Variants in CLEC2A observed in about 807,000 individuals in gnomAD.
CLEC2A encodes C-type lectin domain family 2 member A.
In CLEC2A, 19 loss-of-function variants were observed where a neutral mutation model predicts 18.6. That is an observed-to-expected ratio of 1.02 (90% CI 0.71 to 1.50). The LOEUF (loss-of-function observed/expected upper bound fraction) is 1.50, where lower values mean the gene tolerates loss of function less well. Ranked by LOEUF, CLEC2A falls within the 40% of genes most tolerant of loss-of-function variation. The probability of loss-of-function intolerance (pLI) is 0.00; values close to 1 mark genes in which losing one functional copy is unlikely to be tolerated. For synonymous variants in CLEC2A, 74 were observed against 64.0 expected, an observed-to-expected ratio of 1.16 and a Z score of -0.75; for missense variants, 190 against 207.9, an observed-to-expected ratio of 0.91 and a Z score of 0.53.
downstream of CLEC2A, among the ~76,000 whole-genome samples, chr12:9,912,617 A>G (rs540273663): frequency 6.6e-6 from 1 of 151,980 alleles, no homozygotes; most frequent in Admixed American, 6.6e-5. Flanking sequence ...ATCTATGCTC[A>G]CAGATGTTTT....
chr12:9,888,272 C>T, the CLEC2A span, among the ~76,000 whole-genome samples: 1 of 151,550 alleles, frequency 6.6e-6, no homozygotes, highest in African/African-American at 2.4e-5. Context: ...GGGCGGATCA[C>T]GAGGTCAGGA....
downstream of CLEC2A, among the ~76,000 whole-genome samples, chr12:9,912,209 T>A (rs544613210): frequency 1.3e-5 from 2 of 152,262 alleles, no homozygotes; most frequent in East Asian, 3.9e-4. Flanking sequence ...GGGAAAAGCT[T>A]AATTTTCATC....
chr12:9,890,423 T>G, the CLEC2A span, among the ~76,000 whole-genome samples: 5 of 152,332 alleles, frequency 3.3e-5, no homozygotes, highest in South Asian at 4.1e-4. Context: ...AAGCTCTCTC[T>G]TACGGTGTTG....
intron 4 of CLEC2A, among the ~76,000 whole-genome samples, chr12:9,915,661 C>T (rs1863058855): frequency 6.6e-6 from 1 of 151,968 alleles, no homozygotes; most frequent in South Asian, 2.1e-4. Context: ...AGTGAGAACA[C>T]ATGGACACAG....
chr12:9,913,162 C>T (rs73255419), downstream of CLEC2A: 1,222 of 221,844 alleles, frequency 5.5e-3, 19 homozygotes, highest in African/African-American at 0.027. Flanking sequence ...TTACTCTAGT[C>T]TATATAGTAT....
chr12:9,916,756 T>A lies in CLEC2A; in HGVS notation c.354A>T (p.Leu118=). ...YAGTDMHWIG[L]SRKQGDSWKW... ...TCCAAGAATCTCCTTGTTTCCTGCTTAGTCCAATCCAGTGCATATCAGTTC... is the reference window on the plus strand; with the variant it reads ...TCCAAGAATCTCCTTGTTTCCTGCTAAGTCCAATCCAGTGCATATCAGTTC... The change falls in exon 4 of 5, where the codon CTA becomes CTT. Residue 118 remains leucine, a synonymous_variant. Transcript: ENST00000455827. 6.4e-7 allele frequency: 1 copy of A among 1,551,558 alleles called. No individual in the cohort carries two copies. Among genetic ancestry groups the A allele is most frequent in the Non-Finnish European group, 8.7e-7 (1 of 1,146,742 alleles).
Position 9,926,257 on chromosome 12 carries a change from C to T in CLEC2A, c.139+3G>A. 2 of 1,511,842 alleles carry T rather than the reference C, an allele frequency of 1.3e-6. No individual in the cohort carries two copies. The highest frequency in any genetic ancestry group is 1.7e-4 in the Middle Eastern group (1 of 5,892). The allele number at this position is 1,511,842 out of a possible 1,614,324, so 93.7% of individuals were successfully genotyped here. A position where few individuals can be genotyped will look rare whatever the true frequency, so the allele number is the denominator to read the frequency against. On this transcript the variant is annotated splice_donor_region_variant and intron_variant, in intron 2 of 4. Coordinates refer to ENST00000455827, the MANE Select transcript of CLEC2A (RefSeq NM_001130711.2). ...TAGAAAGTGTATGAATTAAACCACTCACCTATCATAATAATGCAAACTGTA... is the reference window on the plus strand; with the variant it reads ...TAGAAAGTGTATGAATTAAACCACTTACCTATCATAATAATGCAAACTGTA...
the CLEC2A span, among the ~76,000 whole-genome samples, chr12:9,886,763 C>CAAAAAA: frequency 1.9e-5 from 2 of 103,504 alleles, no homozygotes; most frequent in Non-Finnish European, 3.8e-5. Context: ...CTATATCATG[C>CAAAAAA]AAAAAAAAAA....
At chr12:9,911,428 T>G (rs965009045), downstream of CLEC2A, among the ~76,000 whole-genome samples, 2 of 152,194 alleles carry the variant, frequency 1.3e-5, no homozygotes, top group Non-Finnish European at 2.9e-5. Flanking sequence ...ATGGTGTGAT[T>G]AGTTCCATAT....
the CLEC2A span, among the ~76,000 whole-genome samples, chr12:9,885,426 C>T: frequency 6.6e-6 from 1 of 151,634 alleles, no homozygotes; most frequent in Admixed American, 6.6e-5. Context: ...TATGTGTATA[C>T]TGTAGCTATT....
At chr12:9,915,258 T>A (rs953910916) in intron 4 of CLEC2A, among the ~76,000 whole-genome samples, 7 of 151,708 alleles carry the variant, frequency 4.6e-5, no homozygotes, top group African/African-American at 7.3e-5. Flanking sequence ...CTGGTGGGAG[T>A]GTAAATTAGT....
the CLEC2A span, chr12:9,881,508 G>T: frequency 2.1e-6 from 2 of 965,116 alleles, no homozygotes; most frequent in Non-Finnish European, 1.5e-6. Context: ...TTAGTACCTT[G>T]TGCCAAAGAG....
At chr12:9,895,881 AT>A (rs554890897), downstream of CLEC2A, 287 of 1,456,452 alleles carry the variant, frequency 2.0e-4, no homozygotes, top group Non-Finnish European at 2.5e-4. Context: ...GCAGAGCTAG[AT>A]TTTAAAGACT....
chr12:9,886,029 C>A, the CLEC2A span, among the ~76,000 whole-genome samples: 7 of 151,984 alleles, frequency 4.6e-5, no homozygotes, highest in Admixed American at 3.9e-4. Context: ...TCTTGTAAAT[C>A]AGTTTTCTCT....
At chr12:9,905,324 G>T (rs1414379207) in intron 4 of CLEC2A, among the ~76,000 whole-genome samples, 1 of 152,124 alleles carries the variant, frequency 6.6e-6, no homozygotes, top group Non-Finnish European at 1.5e-5. Flanking sequence ...CTTCTTTCCA[G>T]CTTTTGATGA....
At chr12:9,916,578 T>C (rs1338462936) in intron 4 of CLEC2A, 122 bp downstream of exon 4, 1 of 719,638 alleles carries the variant, frequency 1.4e-6, no homozygotes, top group Non-Finnish European at 2.4e-6. Context: ...GATTGGAGAC[T>C]GAAAAGTTAA....
intron 1 of CLEC2A, among the ~76,000 whole-genome samples, chr12:9,928,956 A>G (rs1000594892): frequency 6.6e-6 from 1 of 152,314 alleles, no homozygotes; most frequent in South Asian, 2.1e-4. Context: ...TAATTAAAAT[A>G]TATGTCCTTC....
At chr12:9,882,532 C>CT in the CLEC2A span, among the ~76,000 whole-genome samples, 1 of 152,118 alleles carries the variant, frequency 6.6e-6, no homozygotes, top group South Asian at 2.1e-4. Context: ...AATCCCAGCA[C>CT]TTTGGGATGC....
chr12:9,888,619 A>C, the CLEC2A span: 1 of 591,580 alleles, frequency 1.7e-6, no homozygotes, highest in African/African-American at 1.8e-5. Flanking sequence ...GAGAAGAGAA[A>C]CTCACAATTT....
Sources: allele counts gnomAD v4.1 joint callset (sites outside exome capture counted in the v4.1 genomes callset), GRCh38; gene constraint gnomAD v4.1.1; transcripts MANE v1.5; gene names NCBI Gene and HGNC (gene_info 2026-07-23, HGNC 2026-07-21).